The following CNTN1 variants were observed in gnomAD, a reference collection of about 807,000 sequenced individuals.
CNTN1 encodes contactin-1.
In CNTN1, 38 loss-of-function variants were observed where a neutral mutation model predicts 126.4. The ratio of observed to expected loss-of-function variants is 0.30; its 90% CI spans 0.23 to 0.39. The LOEUF (loss-of-function observed/expected upper bound fraction) is 0.39, where lower values mean the gene tolerates loss of function less well. Among genes scored for constraint, CNTN1 ranks in the 10% least tolerant of loss-of-function variants. The pLI, the probability that CNTN1 is intolerant of heterozygous loss-of-function variation, is 1.00. For synonymous variants in CNTN1, 413 were observed against 422.6 expected (o/e 0.98, Z 0.28); for missense variants, 1,009 against 1,248.4 (o/e 0.81, Z 2.89).
At chr12:40,952,362 T>A (rs530036404) in intron 14 of CNTN1, among the ~76,000 whole-genome samples, 1 of 152,046 alleles carries the variant, frequency 6.6e-6, no homozygotes, top group African/African-American at 2.4e-5. Context: ...AAATTATAAA[T>A]ATAATTACAT....
intron 16 of CNTN1, among the ~76,000 whole-genome samples, chr12:40,986,679 T>C (rs944770137): frequency 6.6e-6 from 1 of 152,054 alleles, no homozygotes; most frequent in Non-Finnish European, 1.5e-5. Context: ...AAAGCACCTG[T>C]CCCTCAAGGG....
At chr12:41,055,905 G>T (rs1441915890) in intron 23 of CNTN1, among the ~76,000 whole-genome samples, 1 of 152,070 alleles carries the variant, frequency 6.6e-6, no homozygotes, top group Non-Finnish European at 1.5e-5. Flanking sequence ...AGAAGCACGG[G>T]TACCTCAGTA....
chr12:40,846,856 TA>T (rs1365235008), intron 1 of CNTN1, among the ~76,000 whole-genome samples: 1 of 130,988 alleles, frequency 7.6e-6, no homozygotes, highest in Non-Finnish European at 1.7e-5. Context: ...CATGCCCAGT[TA>T]TTTTTTTTTA....
At chr12:40,887,870 TG>T (rs1944099052) in intron 1 of CNTN1, among the ~76,000 whole-genome samples, 2 of 151,962 alleles carry the variant, frequency 1.3e-5, no homozygotes, top group Non-Finnish European at 1.5e-5. Flanking sequence ...TGTGGGGACA[TG>T]GATGAAACTG....
At position 40,759,440 on chromosome 12, in the gene CNTN1, C is replaced by T. The variant is rs1010324410; in HGVS notation, c.-77+66848C>T. 6.7e-4 allele frequency among the ~76,000 whole-genome samples: 102 copies of T among 151,508 alleles called. 2 individuals carry two copies. The highest frequency in any genetic ancestry group is 6.7e-3 in the Admixed American group (101 of 15,180). On this transcript the variant is annotated intron_variant, in intron 1 of 23. Coordinates refer to ENST00000551295, the MANE Select transcript of CNTN1 (RefSeq NM_001843.4). ...CTTTCTTTCTCCCTCCCCTCCCCTC[C>T]CCTTCTTCCCTTCCCTTCCCTTTCC...
At chr12:40,994,232 A>G (rs1354686088) in intron 17 of CNTN1, among the ~76,000 whole-genome samples, 8 of 152,134 alleles carry the variant, frequency 5.3e-5, no homozygotes, top group Non-Finnish European at 1.5e-5. Flanking sequence ...ATCAGTGTCA[A>G]AGAAAGTATC....
At chr12:40,803,037 T>C (rs1349169845) in intron 1 of CNTN1, among the ~76,000 whole-genome samples, 1 of 152,016 alleles carries the variant, frequency 6.6e-6, no homozygotes, top group Non-Finnish European at 1.5e-5. Flanking sequence ...TTGTTTAAAA[T>C]TTCCATTGAA....
At position 40,854,557 on chromosome 12, in the gene CNTN1, G is replaced by GA. The variant is rs1316977830; in HGVS notation, c.-76-53792dup. Reference sequence around the variant, plus strand: ...GAAACTAGCTGGAGAAATAAGAAAAGAAAAAAAAGACTGTCATGCAAATGT... The same window carrying GA: ...GAAACTAGCTGGAGAAATAAGAAAAGAAAAAAAAAGACTGTCATGCAAATGT... On this transcript the variant is annotated intron_variant, in intron 1 of 23. Coordinates refer to ENST00000551295, the MANE Select transcript of CNTN1 (RefSeq NM_001843.4). 5.3e-5 allele frequency among the ~76,000 whole-genome samples: 8 copies of GA among 151,592 alleles called. No individual in the cohort carries two copies. In the East Asian group the frequency reaches 1.4e-3, roughly 26 times the overall value.
At chr12:41,002,356 C>G (rs1441072588) in intron 17 of CNTN1, among the ~76,000 whole-genome samples, 1 of 152,034 alleles carries the variant, frequency 6.6e-6, no homozygotes, top group Non-Finnish European at 1.5e-5. Context: ...ATTCATCTCC[C>G]TAGTTGTCTG....
rs1949017489 is a variant in CNTN1, at chr12:41,025,430, A to G, written c.2710+94A>G. 1.3e-5 allele frequency: 15 copies of G among 1,199,492 alleles called. No homozygotes were observed. In the Admixed American group the frequency reaches 2.4e-4, roughly 19 times the overall value. The allele number at this position is 1,199,492 out of a possible 1,614,324, so 74.3% of individuals were successfully genotyped here. On this transcript the variant is annotated intron_variant, in intron 21 of 23. Coordinates refer to ENST00000551295, the MANE Select transcript of CNTN1 (RefSeq NM_001843.4). Reference sequence around the variant, plus strand: ...TTTGAAGGAAATTTCCTACCTAGCTACCTGAGCACATTTTTCAATATCCTT... The same window carrying G: ...TTTGAAGGAAATTTCCTACCTAGCTGCCTGAGCACATTTTTCAATATCCTT...
chr12:40,756,013 T>G (rs1327075201), intron 1 of CNTN1, among the ~76,000 whole-genome samples: 1 of 152,120 alleles, frequency 6.6e-6, no homozygotes, highest in Non-Finnish European at 1.5e-5. Flanking sequence ...TATGGTGTGT[T>G]TTGTTTTTCT....
chr12:40,961,893 A>G (rs1245349531), intron 15 of CNTN1, among the ~76,000 whole-genome samples: 4 of 152,008 alleles, frequency 2.6e-5, no homozygotes, highest in African/African-American at 9.7e-5. Flanking sequence ...TGTAAAAAAT[A>G]TTAAATATGT....
chr12:40,975,574 T>C (rs551121367), intron 15 of CNTN1, among the ~76,000 whole-genome samples: 2 of 152,080 alleles, frequency 1.3e-5, no homozygotes, highest in Non-Finnish European at 2.9e-5. Flanking sequence ...TAGGTGAAAT[T>C]TTATGGAACA....
At chr12:41,030,691 C>T (rs1949129181) in intron 23 of CNTN1, among the ~76,000 whole-genome samples, 2 of 151,918 alleles carry the variant, frequency 1.3e-5, no homozygotes, top group South Asian at 4.1e-4. Flanking sequence ...ATTAATCTTT[C>T]TTCTGGTTAA....
At chr12:40,723,378 T>C (rs1316950939) in intron 1 of CNTN1, among the ~76,000 whole-genome samples, 2 of 152,246 alleles carry the variant, frequency 1.3e-5, no homozygotes, top group African/African-American at 4.8e-5. Context: ...CTTTACGCTT[T>C]CAGTTTTATT....
chr12:40,976,517 G>A (rs1174030238), intron 15 of CNTN1, among the ~76,000 whole-genome samples: 5 of 150,204 alleles, frequency 3.3e-5, no homozygotes, highest in Admixed American at 2.0e-4. Flanking sequence ...TTTATTGAGA[G>A]CGCATGGTAA....
chr12:40,854,828 A>G (rs578230320), intron 1 of CNTN1, among the ~76,000 whole-genome samples: 65 of 152,224 alleles, frequency 4.3e-4, no homozygotes, highest in African/African-American at 1.5e-3. Flanking sequence ...GAAAAAGTGG[A>G]GGAAGATAGC....
At chr12:40,957,506 T>C (rs971589316) in intron 14 of CNTN1, among the ~76,000 whole-genome samples, 1 of 151,438 alleles carries the variant, frequency 6.6e-6, no homozygotes, top group Non-Finnish European at 1.5e-5. Flanking sequence ...TAAACTAACT[T>C]TACTAGGTAA....
intron 1 of CNTN1, among the ~76,000 whole-genome samples, chr12:40,801,828 C>T (rs1433259275): frequency 2.6e-5 from 4 of 151,576 alleles, no homozygotes; most frequent in Non-Finnish European, 4.4e-5. Flanking sequence ...TTGAGGTATT[C>T]TGATACAATA....
Sources: allele counts gnomAD v4.1 joint callset (sites outside exome capture counted in the v4.1 genomes callset), GRCh38; gene constraint gnomAD v4.1.1; transcripts MANE v1.5; gene names NCBI Gene and HGNC (gene_info 2026-07-23, HGNC 2026-07-21).